DNAH14: variants seen among roughly 807,000 people sequenced by gnomAD.
DNAH14 encodes axonemal beta dynein heavy chain 14.
A neutral mutation model predicts 520.9 loss-of-function variants in DNAH14; 478 were observed. That is an observed-to-expected ratio of 0.92 (90% CI 0.85 to 0.99). DNAH14 has a LOEUF of 0.99. Ranked by LOEUF, DNAH14 falls within the 50% of genes least tolerant of loss-of-function variation. DNAH14 has a pLI of 0.00. For synonymous variants in DNAH14, 1,581 were observed against 1,757.2 expected (o/e 0.90, Z 2.51); for missense variants, 4,831 against 5,234.5 (o/e 0.92, Z 2.38).
chr1:225,023,840 G>GA lies in DNAH14; in HGVS notation c.1340dup (p.Asn448GlufsTer2). 3.3e-6 allele frequency: 5 copies of GA among 1,520,492 alleles called. No homozygotes were observed. Among genetic ancestry groups the GA allele is most frequent in the East Asian group, 2.5e-5 (1 of 40,000 alleles). The allele number at this position is 1,520,492 out of a possible 1,614,324, so 94.2% of individuals were successfully genotyped here. On this transcript the variant is annotated frameshift_variant, in exon 11 of 86. Coordinates refer to ENST00000682510, the MANE Select transcript of DNAH14 (RefSeq NM_001367479.1). LOFTEE classifies it high-confidence loss of function. Reference sequence around the variant, plus strand: ...TTCTGCTGGAATGCCATTTTCAGTGGAAAAAAAGAATGAAAATCTTATCAG... The same window carrying GA: ...TTCTGCTGGAATGCCATTTTCAGTGGAAAAAAAAGAATGAAAATCTTATCAG...
At chr1:225,264,366 T>C (rs2093041000) in intron 47 of DNAH14, 105 bp downstream of exon 47, 2 of 979,326 alleles carry the variant, frequency 2.0e-6, no homozygotes, top group African/African-American at 3.3e-5. Context: ...TAATTTCAAT[T>C]GGTAATTTAA....
At chr1:225,015,000 A>G (rs2065094223) in intron 10 of DNAH14, among the ~76,000 whole-genome samples, 1 of 152,298 alleles carries the variant, frequency 6.6e-6, no homozygotes, top group African/African-American at 2.4e-5. Context: ...ATATATATTT[A>G]CAATTGTTAT....
chr1:225,333,646 G>C (rs940531456), intron 66 of DNAH14, 140 bp downstream of exon 66: 7 of 790,874 alleles, frequency 8.9e-6, no homozygotes, highest in African/African-American at 7.0e-5. Flanking sequence ...TTTGTTGCAG[G>C]CCTCGATTTT....
chr1:225,040,551 T>C (rs1260737995), intron 12 of DNAH14, among the ~76,000 whole-genome samples: 2 of 152,194 alleles, frequency 1.3e-5, no homozygotes, highest in Non-Finnish European at 2.9e-5. Flanking sequence ...TTAAAAGTAT[T>C]CAATGTCTCC....
At chr1:224,985,441 C>A (rs1186692678) in intron 8 of DNAH14, among the ~76,000 whole-genome samples, 1 of 151,892 alleles carries the variant, frequency 6.6e-6, no homozygotes, top group East Asian at 1.9e-4. Flanking sequence ...AAGAATGATA[C>A]AATGGACTTT....
At chr1:225,078,886 C>G (rs2072748802) in intron 17 of DNAH14, among the ~76,000 whole-genome samples, 1 of 135,082 alleles carries the variant, frequency 7.4e-6, no homozygotes, top group African/African-American at 2.8e-5. Flanking sequence ...CTCTCTCTCT[C>G]TCTCTCTCTC....
At chr1:225,106,985 G>A (rs141369397) in intron 23 of DNAH14, among the ~76,000 whole-genome samples, 5,529 of 152,236 alleles carry the variant, frequency 0.036, 311 homozygotes, top group African/African-American at 0.13. Context: ...TTTCTACTCT[G>A]TTTTTTCCCT....
At chr1:224,931,705 A>G (rs556483967) in intron 1 of DNAH14, among the ~76,000 whole-genome samples, 45 of 152,252 alleles carry the variant, frequency 3.0e-4, no homozygotes, top group Non-Finnish European at 2.9e-4. Flanking sequence ...AGAACATGAT[A>G]TTTATCTTTT....
chr1:225,055,774 G>C (rs986219502), intron 17 of DNAH14, among the ~76,000 whole-genome samples: 1 of 149,600 alleles, frequency 6.7e-6, no homozygotes, highest in African/African-American at 2.5e-5. Flanking sequence ...CTATGAGTGA[G>C]AACATGTGGT....
chr1:225,340,412 T>G (rs2095154514), intron 68 of DNAH14, 45 bp from the exon 69 acceptor site: 2 of 1,470,616 alleles, frequency 1.4e-6, no homozygotes, highest in African/African-American at 2.9e-5. Flanking sequence ...TTCATTTTTT[T>G]CTTCTACATG....
chr1:225,387,473 G>C lies in DNAH14; in HGVS notation c.13078-906G>C, dbSNP rs184220313. Among the ~76,000 whole-genome samples the C allele has an allele frequency of 9.3e-4, 141 of 152,266 alleles. No homozygotes were observed. The Middle Eastern group carries it at 0.017, about 18-fold the overall frequency. On this transcript the variant is annotated intron_variant, in intron 81 of 85. Coordinates refer to ENST00000682510, the MANE Select transcript of DNAH14 (RefSeq NM_001367479.1). ...GCGCTTGGTGTCATCAGCCTAGACA[G>C]AGCCATGGATTAAATCTGGGAGAGG...
chr1:225,302,640 G>A (rs76913241), intron 56 of DNAH14, among the ~76,000 whole-genome samples: 7,517 of 152,210 alleles, frequency 0.049, 455 homozygotes, highest in East Asian at 0.24. Flanking sequence ...AAGGGCTGAA[G>A]GCAAATTGCA....
chr1:225,210,558 G>T (rs566658397), intron 41 of DNAH14, among the ~76,000 whole-genome samples: 2 of 150,710 alleles, frequency 1.3e-5, no homozygotes, highest in Non-Finnish European at 2.9e-5. Context: ...CAGAGCACCT[G>T]GGGGAAGGGT....
chr1:225,318,770 A>G (rs1194024927), intron 61 of DNAH14, 93 bp downstream of exon 61: 2 of 1,176,016 alleles, frequency 1.7e-6, no homozygotes, highest in Non-Finnish European at 2.4e-6. Flanking sequence ...TAGCCTATAT[A>G]CTAAGCCTAT....
intron 81 of DNAH14, among the ~76,000 whole-genome samples, chr1:225,386,978 G>A (rs2095848445): frequency 6.6e-6 from 1 of 152,112 alleles, no homozygotes; most frequent in South Asian, 2.1e-4. Flanking sequence ...CAAAGACTTG[G>A]AACCAACCCA....
chr1:225,061,920 T>C (rs2070179397), intron 17 of DNAH14, among the ~76,000 whole-genome samples: 1 of 152,222 alleles, frequency 6.6e-6, no homozygotes, highest in Non-Finnish European at 1.5e-5. Flanking sequence ...AGACTGCCTA[T>C]GTTCAAAATC....
chr1:225,287,063 T>C (rs1199859994), intron 54 of DNAH14, among the ~76,000 whole-genome samples: 2 of 152,130 alleles, frequency 1.3e-5, no homozygotes, highest in African/African-American at 2.4e-5. Flanking sequence ...ATTTGTTGTC[T>C]AAGGGTTTGG....
intron 77 of DNAH14, among the ~76,000 whole-genome samples, chr1:225,372,435 A>G (rs77527186): frequency 0.076 from 11,597 of 152,254 alleles, 561 homozygotes; most frequent in South Asian, 0.12. Flanking sequence ...TTTTTATGAG[A>G]TTTTAATATT....
intron 44 of DNAH14, among the ~76,000 whole-genome samples, chr1:225,257,146 G>T (rs2092765391): frequency 6.6e-6 from 1 of 152,180 alleles, no homozygotes; most frequent in African/African-American, 2.4e-5. Context: ...AAAGTTAGGT[G>T]AATACATCCA....
Sources: gnomAD v4.1 joint callset for allele counts (sites outside exome capture counted in the v4.1 genomes callset) on GRCh38, gnomAD v4.1.1 for gene constraint, MANE v1.5 for transcripts, NCBI Gene and HGNC (gene_info 2026-07-23, HGNC 2026-07-21) for gene names.